The following AIM2 variants were observed in gnomAD, a reference collection of about 807,000 sequenced individuals.
AIM2 encodes absent in melanoma 2.
Under a neutral mutation model 27.7 loss-of-function variants are expected in AIM2, and 30 were observed. The observed-to-expected ratio is 1.08, with a 90% confidence interval of 0.81 to 1.47. AIM2 has a LOEUF of 1.47. AIM2 is among the 40% of genes most tolerant of loss of function. The probability of loss-of-function intolerance (pLI) is 0.00; values close to 1 mark genes in which losing one functional copy is unlikely to be tolerated. For synonymous variants in AIM2, 141 were observed against 145.3 expected (o/e 0.97, Z 0.21); for missense variants, 358 against 411.3 (o/e 0.87, Z 1.12).
intron 1 of AIM2, among the ~76,000 whole-genome samples, chr1:159,126,731 T>C (rs961882559): frequency 6.6e-6 from 1 of 151,572 alleles, no homozygotes; most frequent in Non-Finnish European, 1.5e-5. Context: ...GAATATAAAC[T>C]ATGACTCAGC....
intron 1 of AIM2, among the ~76,000 whole-genome samples, chr1:159,087,667 G>A (rs1419893681): frequency 6.6e-6 from 1 of 151,244 alleles, no homozygotes; most frequent in African/African-American, 2.4e-5. Context: ...CTGCCTCCTG[G>A]GTTCAAGCGA....
rs1476260977 is a variant in AIM2, at chr1:159,066,107, T to A, written c.619A>T (p.Ile207Phe). Reference sequence around the variant, plus strand: ...TGCCGATAATATCTTGCTATTATAATTATTCTCTTTGGAATGAATTTATCT... The same window carrying A: ...TGCCGATAATATCTTGCTATTATAAATATTCTCTTTGGAATGAATTTATCT... ...LKDKFIPKRI[I>F]IIARYYRHSG... Residue 207 changes from isoleucine (I) to phenylalanine (F), a missense_variant, in exon 4 of 6, where the codon ATT becomes TTT. Coordinates refer to ENST00000368130, the MANE Select transcript of AIM2 (RefSeq NM_004833.3). 6.2e-7 allele frequency: 1 copy of A among 1,614,216 alleles called. No individual in the cohort carries two copies. Among genetic ancestry groups the A allele is most frequent in the Non-Finnish European group, 8.5e-7 (1 of 1,180,016 alleles).
chr1:159,083,485 G>C (rs1656829039), intron 1 of AIM2, among the ~76,000 whole-genome samples: 1 of 151,946 alleles, frequency 6.6e-6, no homozygotes, highest in Non-Finnish European at 1.5e-5. Flanking sequence ...TAATATTATT[G>C]AATTTCAATC....
rs557181864 is a variant in AIM2 at position 159,062,758 on chromosome 1, G to T, written c.1006-40C>A. ...AAAACATGCAGTCTGAGATGCAGTC[G>T]ATGAGTGGCCCCTCCACTGTTTGCA... is the stretch of plus-strand genomic sequence containing the variant. On this transcript the variant is annotated intron_variant, in intron 5 of 5. Coordinates refer to ENST00000368130, the MANE Select transcript of AIM2 (RefSeq NM_004833.3). 11 of 1,595,776 alleles carry T rather than the reference G, an allele frequency of 6.9e-6. No individual in the cohort carries two copies. The Admixed American group carries it at 1.5e-4, about 22-fold the overall frequency.
At chr1:159,069,243 T>G (rs1656247961) in intron 2 of AIM2, among the ~76,000 whole-genome samples, 1 of 151,962 alleles carries the variant, frequency 6.6e-6, no homozygotes. Context: ...TTTATTAAAA[T>G]TCAATATCTA....
At chr1:159,131,133 C>A (rs1041722294) in intron 1 of AIM2, among the ~76,000 whole-genome samples, 1 of 152,140 alleles carries the variant, frequency 6.6e-6, no homozygotes, top group South Asian at 2.1e-4. Context: ...TGTCTGTCTT[C>A]CACACTCCAG....
intron 1 of AIM2, among the ~76,000 whole-genome samples, chr1:159,146,099 T>C (rs1648197130): frequency 6.7e-6 from 1 of 149,174 alleles, no homozygotes; most frequent in African/African-American, 2.5e-5. Context: ...AGTGAGACAC[T>C]GTCCCCTCAA....
intron 2 of AIM2, among the ~76,000 whole-genome samples, chr1:159,072,343 G>A (rs758724284): frequency 6.6e-6 from 1 of 152,214 alleles, no homozygotes; most frequent in Non-Finnish European, 1.5e-5. Context: ...TATAACTCAT[G>A]TGTGAGAAGC....
intron 1 of AIM2, among the ~76,000 whole-genome samples, chr1:159,094,526 G>C (rs1189874382): frequency 6.6e-6 from 1 of 152,096 alleles, no homozygotes; most frequent in Admixed American, 6.5e-5. Flanking sequence ...GTGAAACTTT[G>C]TCTCTACTAA....
At chr1:159,077,338 G>C (rs915733997), upstream of AIM2, among the ~76,000 whole-genome samples, 1 of 152,238 alleles carries the variant, frequency 6.6e-6, no homozygotes, top group Non-Finnish European at 1.5e-5. Flanking sequence ...CCGGAATCGG[G>C]GTGCCACCCT....
At chr1:159,130,618 T>G (rs1196603242) in intron 1 of AIM2, among the ~76,000 whole-genome samples, 1 of 152,076 alleles carries the variant, frequency 6.6e-6, no homozygotes, top group Non-Finnish European at 1.5e-5. Context: ...ATTTGATATA[T>G]TAAATGACCC....
chr1:159,071,822 T>C (rs1441313422), intron 2 of AIM2, among the ~76,000 whole-genome samples: 1 of 152,210 alleles, frequency 6.6e-6, no homozygotes, highest in Non-Finnish European at 1.5e-5. Flanking sequence ...AAAGCATACT[T>C]TGAATCCTAC....
At chr1:159,117,010 A>AT (rs1002663714) in intron 1 of AIM2, among the ~76,000 whole-genome samples, 30 of 152,240 alleles carry the variant, frequency 2.0e-4, no homozygotes, top group African/African-American at 6.5e-4. Flanking sequence ...CTATCAAGTT[A>AT]TTTTTTGTGT....
intron 1 of AIM2, among the ~76,000 whole-genome samples, chr1:159,129,268 A>C (rs1647805697): frequency 6.6e-6 from 1 of 152,166 alleles, no homozygotes; most frequent in African/African-American, 2.4e-5. Context: ...CTTGACCTTG[A>C]TTTTGGACTT....
At chr1:159,113,720 G>T (rs1647253882) in intron 1 of AIM2, among the ~76,000 whole-genome samples, 1 of 152,100 alleles carries the variant, frequency 6.6e-6, no homozygotes, top group African/African-American at 2.4e-5. Context: ...TACCTCACTG[G>T]AATCTCCTTC....
At chr1:159,093,733 C>T (rs903914859) in intron 1 of AIM2, among the ~76,000 whole-genome samples, 4 of 143,932 alleles carry the variant, frequency 2.8e-5, no homozygotes, top group East Asian at 2.0e-4. Flanking sequence ...TATATATATA[C>T]AGAGAGAGAG....
At chr1:159,137,176 C>G (rs1366047668) in intron 1 of AIM2, among the ~76,000 whole-genome samples, 3 of 152,192 alleles carry the variant, frequency 2.0e-5, no homozygotes, top group Non-Finnish European at 4.4e-5. Context: ...GCCAGTGGCA[C>G]TAGAATTGCC....
At chr1:159,091,913 ATCC>A (rs2102009532) in intron 1 of AIM2, among the ~76,000 whole-genome samples, 1 of 152,398 alleles carries the variant, frequency 6.6e-6, no homozygotes, top group African/African-American at 2.4e-5. Context: ...AGTAAATGGT[ATCC>A]ACTGAAGTTA....
intron 2 of AIM2, 41 bp from the exon 3 acceptor site, chr1:159,068,742 C>A: frequency 6.3e-7 from 1 of 1,593,744 alleles, no homozygotes; most frequent in Non-Finnish European, 8.6e-7. Flanking sequence ...AGCATATAAA[C>A]ATATGAGCAG....
Sources: allele counts gnomAD v4.1 joint callset (sites outside exome capture counted in the v4.1 genomes callset), GRCh38; gene constraint gnomAD v4.1.1; transcripts MANE v1.5; gene names NCBI Gene and HGNC (gene_info 2026-07-23, HGNC 2026-07-21).